Variants in PTPRB observed in about 807,000 individuals in gnomAD.
PTPRB encodes the protein protein tyrosine phosphatase receptor type B.
In PTPRB, 97 loss-of-function variants were observed where a neutral mutation model predicts 238.1. The observed-to-expected ratio is 0.41, with a 90% CI of 0.35 to 0.48. The LOEUF is 0.48. Among genes scored for constraint, PTPRB ranks in the 20% least tolerant of loss-of-function variants. The pLI, the probability that PTPRB is intolerant of heterozygous loss-of-function variation, is 0.30. For missense variants in PTPRB, 2,292 were observed against 2,681.9 expected, an observed-to-expected ratio of 0.85 and a Z score of 3.21; for synonymous variants, 970 against 995.4, an observed-to-expected ratio of 0.97 and a Z score of 0.48.
In PTPRB at chr12:70,563,018, A is replaced by G. The variant is rs1164048174; in HGVS notation, c.3994T>C (p.Trp1332Arg). The change falls in exon 16 of 34, where the codon TGG becomes CGG. Residue 1332 changes from tryptophan (W) to arginine (R), a missense_variant. Physicochemically the swap from Trp to Arg is moderately radical, Grantham distance 101 (BLOSUM62 -3). Transcript: ENST00000334414. ...GGGTTGTACAAAAAGATGTTGTACCAGCTGAGCTCCCCCTCTGAGGCGGTC... is the reference window on the plus strand; with the variant it reads ...GGGTTGTACAAAAAGATGTTGTACCGGCTGAGCTCCCCCTCTGAGGCGGTC... ...RWTASEGELS[W>R]YNIFLYNPDG... is the part of the protein sequence containing the mutation. 1.1e-5 allele frequency: 18 copies of G among 1,613,880 alleles called. No homozygotes were observed. Among genetic ancestry groups the G allele is most frequent in the Non-Finnish European group, 1.5e-5 (18 of 1,179,892 alleles).
chr12:70,635,453 A>G (rs1388708190), intron 2 of PTPRB, among the ~76,000 whole-genome samples: 1 of 152,192 alleles, frequency 6.6e-6, no homozygotes, highest in Non-Finnish European at 1.5e-5. Context: ...AGAAAAAGCA[A>G]TAGAAAAAGT....
chr12:70,569,545 A>C (rs1022418433), intron 14 of PTPRB, 130 bp downstream of exon 14: 1 of 1,096,136 alleles, frequency 9.1e-7, no homozygotes, highest in African/African-American at 1.6e-5. Flanking sequence ...AAGGCTCTTG[A>C]AACCATTGAA....
chr12:70,590,940 G>GTTTTTTTTTTT, intron 7 of PTPRB, among the ~76,000 whole-genome samples: 1 of 102,860 alleles, frequency 9.7e-6, no homozygotes. Flanking sequence ...TTTCCTCCAA[G>GTTTTTTTTTTT]TTTTTTTTTT....
intron 4 of PTPRB, among the ~76,000 whole-genome samples, chr12:70,599,652 A>T (rs772720552): frequency 3.5e-4 from 53 of 152,212 alleles, no homozygotes; most frequent in Non-Finnish European, 6.9e-4. Flanking sequence ...TATAATATTC[A>T]TTGTATATAC....
Position 70,592,550 on chromosome 12 carries a change from T to C in PTPRB, c.1517-5A>G. 2 of 1,612,428 alleles carry C rather than the reference T, an allele frequency of 1.2e-6. No individual in the cohort carries two copies. The highest frequency in any genetic ancestry group is 1.7e-6 in the Non-Finnish European group (2 of 1,179,246). On this transcript the variant is annotated splice_polypyrimidine_tract_variant and splice_region_variant and intron_variant, in intron 6 of 33. Coordinates refer to ENST00000334414, the MANE Select transcript of PTPRB (RefSeq NM_001109754.4). ...GATTTGAGACTTCCATGGGGGCTAA[T>C]CAGGAAAGAACAGAAAGGAGACTTT...
chr12:70,576,441 A>G lies in PTPRB; in HGVS notation c.2783T>C (p.Val928Ala), dbSNP rs745861038. 6.0e-5 allele frequency: 96 copies of G among 1,608,402 alleles called. No homozygotes were observed. The highest frequency in any genetic ancestry group is 8.1e-5 in the Non-Finnish European group (95 of 1,177,426). The change falls in exon 11 of 34, where the codon GTG becomes GCG. Residue 928 changes from valine to alanine, a missense_variant. This residue lies in a region of PTPRB where 1,205 missense variants were observed against 1,287.8 expected (regional missense o/e 0.94). Coordinates refer to ENST00000334414, the MANE Select transcript of PTPRB (RefSeq NM_001109754.4). ...CTTGCCACTCCTTGTAGTTATGGTC[A>G]CGGTGTAGAGGCGGCCTGGGGTGAG... ...SSLTPGRLYTVTITTRSGKYE... is the reference protein window; with the variant it reads ...SSLTPGRLYTATITTRSGKYE...
intron 28 of PTPRB, 103 bp from the exon 29 acceptor site, chr12:70,536,262 C>G (rs1874108308): frequency 4.5e-6 from 6 of 1,335,590 alleles, no homozygotes; most frequent in Admixed American, 2.4e-5. Context: ...TCTGCCAAGT[C>G]TCTGACTTCA....
chr12:70,560,362 G>A lies in PTPRB; in HGVS notation c.4432+309C>T, dbSNP rs1236612574. ...TGTGTGTGCCCATGACATAAAAACAGTTAGGAAGCACTGGTGATAGCCACA... is the reference window on the plus strand; with the variant it reads ...TGTGTGTGCCCATGACATAAAAACAATTAGGAAGCACTGGTGATAGCCACA... On this transcript the variant is annotated intron_variant, in intron 17 of 33. Transcript: ENST00000334414. This position sits in a 1 kb window ranked among gnomAD's most constrained non-coding sequence, Gnocchi z 4.2. Among the ~76,000 whole-genome samples, 1 of 152,198 alleles carries A rather than the reference G, an allele frequency of 6.6e-6. No individual in the cohort carries two copies. Among genetic ancestry groups the A allele is most frequent in the South Asian group, 2.1e-4 (1 of 4,830 alleles).
Position 70,552,829 on chromosome 12 carries a change from G to T in PTPRB, c.5335C>A (p.Pro1779Thr). The T allele has an allele frequency of 6.2e-7, 1 of 1,613,966 alleles. No individual in the cohort carries two copies. ...CCATCACAGAATTTTTGCTGAGTGGGATCGCATTTTCCACCTAGGCTCTCC... is the reference window on the plus strand; with the variant it reads ...CCATCACAGAATTTTTGCTGAGTGGTATCGCATTTTCCACCTAGGCTCTCC... The part of the protein sequence containing the change: ...EMESLGGKCD[P>T]TQQKFCDGPL... The change falls in exon 21 of 34, where the codon CCC becomes ACC. Residue 1779 changes from proline to threonine, a missense_variant. Around this residue, in one of 4 missense-constraint regions of PTPRB, gnomAD observed 683 missense variants for 862.0 expected, o/e 0.79. Coordinates refer to ENST00000334414, the MANE Select transcript of PTPRB (RefSeq NM_001109754.4).
intron 3 of PTPRB, among the ~76,000 whole-genome samples, chr12:70,619,328 A>AATGATC (rs1884824141): frequency 6.7e-6 from 1 of 149,940 alleles, no homozygotes; most frequent in Admixed American, 6.6e-5. Flanking sequence ...TGATAATGAT[A>AATGATC]ATGATAATGA....
At chr12:70,581,414 G>A (rs1158036579) in intron 9 of PTPRB, 112 bp from the exon 10 acceptor site, 2 of 1,144,796 alleles carry the variant, frequency 1.7e-6, no homozygotes, top group African/African-American at 1.6e-5. Context: ...AATAATTTTT[G>A]TGTTGTTGCT....
rs925468204 is a variant in PTPRB at position 70,520,650 on chromosome 12, C to G, written c.*839G>C. ...AGTATGGGTGTGGATGTTCACACTC[C>G]ACACCATGAATGCAATGAAAGGATC... On this transcript the variant is annotated 3_prime_UTR_variant, in exon 34 of 34. Transcript: ENST00000334414. 1.3e-5 allele frequency: 2 copies of G among 155,748 alleles called. No individual in the cohort carries two copies. The highest frequency in any genetic ancestry group is 2.8e-5 in the Non-Finnish European group (2 of 70,616). The allele number at this position is 155,748 out of a possible 1,614,324, so 9.6% of individuals were successfully genotyped here. A position where few individuals can be genotyped will look rare whatever the true frequency, so the allele number is the denominator to read the frequency against.
In PTPRB at chr12:70,571,946, C is replaced by A; in HGVS notation, c.2984G>T (p.Ser995Ile). ...ACATTCGTTTTCTGACTTGGGAATG[C>A]TTTTAGTTTGAATGAAGTTGTTTTT... ...KNKNNFIQTK[S>I]IPKSENECVF... The change falls in exon 12 of 34, where the codon AGC (serine) becomes ATC (isoleucine). Residue 995 changes from serine to isoleucine, a missense_variant. By Grantham distance (142) the Ser-to-Ile change is moderately radical (BLOSUM62 -2). Coordinates refer to ENST00000334414, the MANE Select transcript of PTPRB (RefSeq NM_001109754.4). The A allele has an allele frequency of 1.2e-6, 2 of 1,613,978 alleles. No homozygotes were observed. Among genetic ancestry groups the A allele is most frequent in the Non-Finnish European group, 1.7e-6 (2 of 1,179,890 alleles).
intron 21 of PTPRB, among the ~76,000 whole-genome samples, chr12:70,551,677 A>G (rs1876898605): frequency 6.6e-6 from 1 of 152,320 alleles, no homozygotes; most frequent in South Asian, 2.1e-4. Context: ...TTGGTTAGGT[A>G]TCAGCTCTTC....
intron 16 of PTPRB, among the ~76,000 whole-genome samples, chr12:70,562,496 C>T (rs1004473254): frequency 6.6e-6 from 1 of 152,134 alleles, no homozygotes; most frequent in African/African-American, 2.4e-5. Flanking sequence ...CTCTCCTCTC[C>T]GTCTATTTCT....
chr12:70,625,285 G>A (rs368268361), intron 2 of PTPRB, among the ~76,000 whole-genome samples: 84 of 152,286 alleles, frequency 5.5e-4, no homozygotes, highest in African/African-American at 1.9e-3. Flanking sequence ...GTAGCCATCA[G>A]AATCATATTT....
intron 10 of PTPRB, 88 bp downstream of exon 10, chr12:70,580,948 A>C: frequency 2.1e-6 from 3 of 1,426,350 alleles, no homozygotes; most frequent in Non-Finnish European, 2.8e-6. Context: ...GATGAGTCTG[A>C]TTTTAGGATA....
At chr12:70,603,828 C>T (rs903950261) in intron 4 of PTPRB, among the ~76,000 whole-genome samples, 8 of 152,140 alleles carry the variant, frequency 5.3e-5, no homozygotes, top group South Asian at 2.1e-4. Flanking sequence ...GGCTAGTAAG[C>T]GGTAGAGGCA....
At chr12:70,588,619 G>A (rs370718239) in intron 8 of PTPRB, among the ~76,000 whole-genome samples, 241 of 151,900 alleles carry the variant, frequency 1.6e-3, no homozygotes, top group African/African-American at 4.5e-3. Context: ...GGCAACAAGA[G>A]TGAAACTCTA....
Sources: allele counts gnomAD v4.1 joint callset (sites outside exome capture counted in the v4.1 genomes callset), GRCh38; gene constraint gnomAD v4.1.1; regional missense constraint gnomAD v4.1.1; non-coding constraint Gnocchi (gnomAD v3.1); transcripts MANE v1.5; gene names NCBI Gene and HGNC (gene_info 2026-07-23, HGNC 2026-07-21).